Variants in KIF3A observed in about 807,000 individuals in gnomAD.
KIF3A encodes the protein kinesin-like protein KIF3A.
In KIF3A, 27 loss-of-function variants were observed where a neutral mutation model predicts 92.6. That is an observed-to-expected ratio of 0.29 (90% CI 0.21 to 0.40). KIF3A has a LOEUF of 0.40. Among genes scored for constraint, KIF3A ranks in the 10% least tolerant of loss-of-function variants. KIF3A has a pLI of 1.00. For missense variants in KIF3A, 581 were observed against 872.6 expected (o/e 0.67, Z 4.21); for synonymous variants, 250 against 275.4 (o/e 0.91, Z 0.92).
At chr5:132,701,547 A>G (rs1239956219) in intron 15 of KIF3A, among the ~76,000 whole-genome samples, 1 of 151,414 alleles carries the variant, frequency 6.6e-6, no homozygotes, top group Admixed American at 6.6e-5. Flanking sequence ...ACCAAAATGC[A>G]CTGGAAAGAC....
At chr5:132,704,511 A>C (rs1753145094) in intron 11 of KIF3A, among the ~76,000 whole-genome samples, 1 of 152,002 alleles carries the variant, frequency 6.6e-6, no homozygotes, top group African/African-American at 2.4e-5. Context: ...GTGCTCAAAG[A>C]AAGTTTATTA....
chr5:132,715,475 CAAAT>C (rs748435342), intron 8 of KIF3A, among the ~76,000 whole-genome samples: 40 of 152,234 alleles, frequency 2.6e-4, no homozygotes, highest in Non-Finnish European at 4.7e-4. Context: ...TATACAGAGA[CAAAT>C]AAACATTCAT....
chr5:132,715,641 A>G (rs994715753), intron 8 of KIF3A, 116 bp downstream of exon 8: 40 of 660,058 alleles, frequency 6.1e-5, no homozygotes, highest in Middle Eastern at 4.1e-4. Flanking sequence ...TATTCATTTA[A>G]CTACCAATGT....
At chr5:132,727,831 G>A (rs896187525) in intron 2 of KIF3A, among the ~76,000 whole-genome samples, 1 of 152,118 alleles carries the variant, frequency 6.6e-6, no homozygotes, top group Admixed American at 6.5e-5. Context: ...AGATAGCCTT[G>A]GATGTGATGG....
chr5:132,717,689 T>C (rs539281397), intron 5 of KIF3A, among the ~76,000 whole-genome samples: 5 of 152,162 alleles, frequency 3.3e-5, no homozygotes, highest in South Asian at 4.1e-4. Flanking sequence ...TGTGTAAATA[T>C]ATGAATATAT....
intron 2 of KIF3A, among the ~76,000 whole-genome samples, chr5:132,733,108 A>C (rs1015658690): frequency 1.3e-5 from 2 of 152,148 alleles, no homozygotes; most frequent in African/African-American, 2.4e-5. Context: ...GGTTGGGGGA[A>C]GGGAGGTGGT....
rs1388644641 is a variant in KIF3A, at chr5:132,716,426, G to T, written c.773C>A (p.Ala258Glu). 1 of 1,613,696 alleles carries T rather than the reference G, an allele frequency of 6.2e-7. No homozygotes were observed. The highest frequency in any genetic ancestry group is 1.1e-5 in the South Asian group (1 of 91,042). Reference sequence around the variant, plus strand: ...GCGCTGTCCAGTAGCTCCAGTTTTTGCCTGTCTTTCTGAACCCTAGCAATA... The same window carrying T: ...GCGCTGTCCAGTAGCTCCAGTTTTTTCCTGTCTTTCTGAACCCTAGCAATA... ...LVDLAGSERQAKTGATGQRLK... is the reference protein window; with the variant it reads ...LVDLAGSERQEKTGATGQRLK... Residue 258 changes from alanine to glutamate, a missense_variant, in exon 7 of 19, where the codon GCA becomes GAA. This residue lies in a region of KIF3A where 40 missense variants were observed against 107.0 expected (regional missense o/e 0.37). Transcript: ENST00000403231.
chr5:132,715,747 G>A lies in KIF3A; in HGVS notation c.1129+10C>T. 1.9e-6 allele frequency: 3 copies of A among 1,595,616 alleles called. No individual in the cohort carries two copies. Among genetic ancestry groups the A allele is most frequent in the East Asian group, 2.2e-5 (1 of 44,698 alleles). The stretch of plus-strand genomic sequence containing the variant: ...CCAACATAAAGATTAATATTTTGAG[G>A]AAAAGCTACCTTCTTCAAGCTTCTT... On this transcript the variant is annotated intron_variant, in intron 8 of 18. Transcript: ENST00000403231.
At chr5:132,699,414 G>A (rs992491227) in intron 17 of KIF3A, 119 bp from the exon 18 acceptor site, 1 of 949,914 alleles carries the variant, frequency 1.1e-6, no homozygotes, top group Non-Finnish European at 1.6e-6. Context: ...TAAAACCAAA[G>A]AAATGTCTAA....
Position 132,737,502 on chromosome 5 carries a change from G to C in KIF3A, c.-83C>G, listed in dbSNP as rs1043748372. On this transcript the variant is annotated 5_prime_UTR_variant, in exon 1 of 19. Coordinates refer to ENST00000403231, the MANE Select transcript of KIF3A (RefSeq NM_001300791.2). The stretch of plus-strand genomic sequence containing the variant: ...CGGGTGCGCAGAAAGGATGGCCAGA[G>C]ACTACCGAAACACCTCGTTGACGCT... The C allele has an allele frequency of 6.6e-7, 1 of 1,525,980 alleles. No individual in the cohort carries two copies. Among genetic ancestry groups the C allele is most frequent in the Non-Finnish European group, 9.0e-7 (1 of 1,116,932 alleles). 94.5% of individuals were successfully genotyped at this position (1,525,980 alleles called of 1,614,324 possible). A position where few individuals can be genotyped will look rare whatever the true frequency, so the allele number is the denominator to read the frequency against.
chr5:132,726,727 A>T (rs1754045948), intron 2 of KIF3A, among the ~76,000 whole-genome samples: 1 of 152,250 alleles, frequency 6.6e-6, no homozygotes, highest in African/African-American at 2.4e-5. Flanking sequence ...ATTAATAAAA[A>T]GCATCCCAAG....
chr5:132,724,732 T>C (rs1184651951), intron 4 of KIF3A, among the ~76,000 whole-genome samples: 1 of 145,948 alleles, frequency 6.9e-6, no homozygotes, highest in African/African-American at 2.6e-5. Context: ...ACATGGCACA[T>C]GTATACATAT....
chr5:132,700,193 T>C, intron 17 of KIF3A, 23 bp downstream of exon 17: 1 of 1,366,622 alleles, frequency 7.3e-7, no homozygotes, highest in Non-Finnish European at 1.0e-6. Context: ...TGTTTTGTTT[T>C]GTTTTTTTTT....
At chr5:132,728,455 G>A (rs1052820599) in intron 2 of KIF3A, among the ~76,000 whole-genome samples, 1 of 152,068 alleles carries the variant, frequency 6.6e-6, no homozygotes, top group African/African-American at 2.4e-5. Context: ...ATAAACTATG[G>A]CCAGGCGGGG....
chr5:132,734,414 A>C lies in KIF3A; in HGVS notation c.71T>G (p.Leu24Arg). Residue 24 changes from leucine to arginine, a missense_variant, in exon 2 of 19, where the codon CTC becomes CGC. This residue lies in a region of KIF3A where 217 missense variants were observed against 299.7 expected (regional missense o/e 0.72). Coordinates refer to ENST00000403231, the MANE Select transcript of KIF3A (RefSeq NM_001300791.2). ...NVKVVVRCRP[L>R]NEREKSMCYK... Reference sequence around the variant, plus strand: ...GCACATTGATTTCTCTCTCTCATTGAGGGGCCGGCACCTAACAACAACCTT... The same window carrying C: ...GCACATTGATTTCTCTCTCTCATTGCGGGGCCGGCACCTAACAACAACCTT... 1 of 1,614,098 alleles carries C rather than the reference A, an allele frequency of 6.2e-7. No homozygotes were observed. The highest frequency in any genetic ancestry group is 8.5e-7 in the Non-Finnish European group (1 of 1,179,992).
intron 2 of KIF3A, among the ~76,000 whole-genome samples, chr5:132,731,331 G>T (rs1366516149): frequency 5.9e-5 from 9 of 151,916 alleles, no homozygotes. Context: ...TGACCAAGTG[G>T]CAAAGCTAGT....
At chr5:132,703,254 A>C (rs1317428466) in intron 12 of KIF3A, among the ~76,000 whole-genome samples, 189 bp from the exon 13 acceptor site, 1 of 152,132 alleles carries the variant, frequency 6.6e-6, no homozygotes, top group African/African-American at 2.4e-5. Context: ...TAATTCATTG[A>C]TATGTTTTCC....
At chr5:132,712,158 T>C (rs916873008) in intron 8 of KIF3A, among the ~76,000 whole-genome samples, 3 of 152,226 alleles carry the variant, frequency 2.0e-5, no homozygotes, top group African/African-American at 7.2e-5. Flanking sequence ...TTGGTAGTAA[T>C]GAGCACAGCT....
Position 132,720,732 on chromosome 5 carries a change from CTT to C in KIF3A, c.511-20_511-19del. ...TCTTTAACCTAAAAAAAAATTAAGA[CTT>C]TATACTATATCAATAACTCTTCCAC... On this transcript the variant is annotated intron_variant, in intron 4 of 18. Transcript: ENST00000403231. 7.3e-7 allele frequency: 1 copy of C among 1,365,718 alleles called. No homozygotes were observed. Among genetic ancestry groups the C allele is most frequent in the South Asian group, 1.2e-5 (1 of 82,744 alleles). 84.6% of individuals were successfully genotyped at this position (1,365,718 alleles called of 1,614,324 possible).
Sources: gnomAD v4.1 joint callset for allele counts (sites outside exome capture counted in the v4.1 genomes callset) on GRCh38, gnomAD v4.1.1 for gene constraint, gnomAD v4.1.1 regional missense constraint, MANE v1.5 for transcripts, NCBI Gene and HGNC (gene_info 2026-07-23, HGNC 2026-07-21) for gene names.